The following TENM2 variants were observed in gnomAD, a reference collection of about 807,000 sequenced individuals.
TENM2 encodes the protein teneurin-2.
Under a neutral mutation model 245.2 loss-of-function variants are expected in TENM2, and 52 were observed. The ratio of observed to expected loss-of-function variants is 0.21; its 90% CI spans 0.17 to 0.27. TENM2 has a LOEUF of 0.27. Ranked by LOEUF, TENM2 falls within the 10% of genes least tolerant of loss-of-function variation. The probability of loss-of-function intolerance (pLI) is 1.00; values close to 1 mark genes in which losing one functional copy is unlikely to be tolerated. For missense variants in TENM2, 3,046 were observed against 3,666.8 expected, an observed-to-expected ratio of 0.83 and a Z score of 4.37; for synonymous variants, 1,363 against 1,438.9, an observed-to-expected ratio of 0.95 and a Z score of 1.19.
intron 3 of TENM2, among the ~76,000 whole-genome samples, chr5:167,935,614 T>C (rs1190754246): frequency 2.6e-5 from 4 of 152,094 alleles, no homozygotes; most frequent in Non-Finnish European, 5.9e-5. Flanking sequence ...TGTACATGGT[T>C]CCTGGAGGTG....
chr5:167,379,928 T>G (rs1020929223), intron 2 of TENM2, among the ~76,000 whole-genome samples: 1 of 79,146 alleles, frequency 1.3e-5, no homozygotes, highest in Non-Finnish European at 2.4e-5. Flanking sequence ...TTTAAAAACA[T>G]ACCAAAAAAA....
chr5:168,136,099 C>T (rs1226045708), intron 12 of TENM2, among the ~76,000 whole-genome samples: 1 of 152,096 alleles, frequency 6.6e-6, no homozygotes, highest in Non-Finnish European at 1.5e-5. Flanking sequence ...ATATTCTGAC[C>T]GAGCTGGGGT....
intron 2 of TENM2, among the ~76,000 whole-genome samples, chr5:167,743,353 G>A (rs746373722): frequency 1.3e-5 from 2 of 152,134 alleles, no homozygotes; most frequent in East Asian, 1.9e-4. Context: ...CAATGTGAGC[G>A]CATTGAGTGA....
At chr5:167,978,357 G>A (rs1041876337) in intron 4 of TENM2, among the ~76,000 whole-genome samples, 7 of 151,864 alleles carry the variant, frequency 4.6e-5, no homozygotes, top group Admixed American at 1.3e-4. Flanking sequence ...GTCAAAAGGT[G>A]GAAACAACCC....
chr5:168,251,433 T>C (rs953483390), intron 27 of TENM2, among the ~76,000 whole-genome samples: 5 of 152,048 alleles, frequency 3.3e-5, no homozygotes, highest in Non-Finnish European at 1.5e-5. Flanking sequence ...CAGAAACCAT[T>C]AGAGAGTCTA....
intron 1 of TENM2, among the ~76,000 whole-genome samples, chr5:167,370,713 A>G (rs1023138447): frequency 1.3e-5 from 2 of 152,260 alleles, no homozygotes; most frequent in South Asian, 2.1e-4. Flanking sequence ...TTTATCAGTG[A>G]TATCAGGAGA....
the TENM2 span, among the ~76,000 whole-genome samples, chr5:167,214,877 CAGTGTATTT>C: frequency 6.6e-6 from 1 of 152,192 alleles, no homozygotes; most frequent in African/African-American, 2.4e-5. Context: ...GTAACCACAG[CAGTGTATTT>C]TCATCTTGTC....
At chr5:167,819,583 C>T (rs556766102) in intron 2 of TENM2, among the ~76,000 whole-genome samples, 2 of 152,280 alleles carry the variant, frequency 1.3e-5, no homozygotes, top group South Asian at 4.1e-4. Context: ...TCTAGCTAGA[C>T]ACTGGGGGAA....
At chr5:168,181,761 C>T (rs968186111) in intron 13 of TENM2, among the ~76,000 whole-genome samples, 3 of 149,862 alleles carry the variant, frequency 2.0e-5, no homozygotes, top group African/African-American at 7.4e-5. Context: ...ACTGCAACCT[C>T]CACCTCCCGA....
intron 17 of TENM2, 70 bp from the exon 20 acceptor site, chr5:168,203,619 A>G (rs899082034): frequency 7.1e-7 from 1 of 1,412,224 alleles, no homozygotes; most frequent in Non-Finnish European, 9.6e-7. Context: ...CATTCTTGCT[A>G]CAGAGCTCTG....
At chr5:167,538,446 T>C (rs1318357645) in intron 2 of TENM2, among the ~76,000 whole-genome samples, 5 of 152,238 alleles carry the variant, frequency 3.3e-5, no homozygotes, top group Non-Finnish European at 7.3e-5. Flanking sequence ...TGATTGGGTA[T>C]GATTCCCCTT....
chr5:167,238,694 C>CAAAAAAAAAAAAAAAAAAA, the TENM2 span, among the ~76,000 whole-genome samples: 1 of 58,120 alleles, frequency 1.7e-5, no homozygotes, highest in African/African-American at 5.0e-5. Context: ...ACAGGAGATG[C>CAAAAAAAAAAAAAAAAAAA]AAAAAAAAAA....
At chr5:168,127,270 T>G (rs1795921692) in intron 12 of TENM2, among the ~76,000 whole-genome samples, 1 of 152,180 alleles carries the variant, frequency 6.6e-6, no homozygotes, top group African/African-American at 2.4e-5. Context: ...TGCAAGCACC[T>G]CAAATCACTG....
At chr5:168,250,120 A>C (rs866687772) in intron 27 of TENM2, among the ~76,000 whole-genome samples, 1 of 81,864 alleles carries the variant, frequency 1.2e-5, no homozygotes, top group East Asian at 2.2e-4. Flanking sequence ...GGATGGATGG[A>C]TGGATGGATG....
chr5:167,242,938 G>A, the TENM2 span, among the ~76,000 whole-genome samples: 4 of 151,834 alleles, frequency 2.6e-5, no homozygotes, highest in South Asian at 4.2e-4. Flanking sequence ...GGCCAAAAAC[G>A]CAAAATAGAA....
chr5:167,195,016 G>A, the TENM2 span, among the ~76,000 whole-genome samples: 1 of 151,946 alleles, frequency 6.6e-6, no homozygotes, highest in Admixed American at 6.6e-5. Context: ...GAGAATACTA[G>A]CTAGTCCGTG....
chr5:168,211,805 C>T, intron 20 of TENM2, 51 bp downstream of exon 22: 1 of 1,160,962 alleles, frequency 8.6e-7, no homozygotes, highest in African/African-American at 1.6e-5. Context: ...CGTTTGCTTC[C>T]TTGTGTTTGC....
rs9313388 is a variant in TENM2, at chr5:167,746,710, A to C, written c.503-129276A>C. Among the ~76,000 whole-genome samples the C allele has an allele frequency of 1.1e-3, 163 of 144,912 alleles. 1 individual carries two copies. Among genetic ancestry groups the C allele is most frequent in the South Asian group, 2.0e-3 (9 of 4,490 alleles). On this transcript the variant is annotated intron_variant, in intron 2 of 28. Transcript: ENST00000518659. The stretch of plus-strand genomic sequence containing the variant: ...GAGAGAGAGAGAGAGAGAGAGAGAG[A>C]GAGAGCTGGACTCTACACAATTAGT...
the TENM2 span, among the ~76,000 whole-genome samples, chr5:167,254,223 A>G: frequency 6.6e-6 from 1 of 152,246 alleles, no homozygotes; most frequent in Admixed American, 6.5e-5. Context: ...AAAAGGTGAA[A>G]AGAGAAAAAG....
Sources: gnomAD v4.1 joint callset for allele counts (sites outside exome capture counted in the v4.1 genomes callset) on GRCh38, gnomAD v4.1.1 for gene constraint, MANE v1.5 for transcripts, NCBI Gene and HGNC (gene_info 2026-07-23, HGNC 2026-07-21) for gene names.